The following FAM135B variants were observed in gnomAD, a reference collection of about 807,000 sequenced individuals.
The protein encoded by FAM135B is family with sequence similarity 135 member B, also known as protein FAM135B.
FAM135B carries 43 observed loss-of-function variants against 127.7 expected under a neutral mutation model. The ratio of observed to expected loss-of-function variants is 0.34; its 90% CI spans 0.26 to 0.43. FAM135B has a LOEUF of 0.43. Ranked by LOEUF, FAM135B falls within the 20% of genes least tolerant of loss-of-function variation. The probability of loss-of-function intolerance (pLI) is 1.00; values close to 1 mark genes in which losing one functional copy is unlikely to be tolerated. For missense variants in FAM135B, 1,558 were observed against 1,725.6 expected (o/e 0.90, Z 1.72); for synonymous variants, 670 against 665.1 (o/e 1.01, Z -0.11).
chr8:138,425,364 A>G (rs1414413366), intron 1 of FAM135B: 1 of 152,200 alleles, frequency 6.6e-6, no homozygotes, highest in East Asian at 1.9e-4. Flanking sequence ...CTTTCAGGCC[A>G]CAAGCATTTG....
intron 13 of FAM135B, 123 bp from the exon 14 acceptor site, chr8:138,148,809 C>G: frequency 1.6e-6 from 1 of 628,262 alleles, no homozygotes; most frequent in Non-Finnish European, 2.7e-6. Flanking sequence ...AGTGGCAAAG[C>G]TGACTTGAGC....
At chr8:138,410,006 GTCA>G in intron 1 of FAM135B, among the ~76,000 whole-genome samples, 1 of 151,932 alleles carries the variant, frequency 6.6e-6, no homozygotes, top group South Asian at 2.1e-4. Context: ...ATTCTAAACT[GTCA>G]TTGCATTGCC....
intron 1 of FAM135B, among the ~76,000 whole-genome samples, chr8:138,381,792 T>C (rs950191688): frequency 6.6e-6 from 1 of 152,214 alleles, no homozygotes; most frequent in African/African-American, 2.4e-5. Flanking sequence ...TTTTGTCCTC[T>C]GCATATGTCC....
At chr8:138,331,359 T>C (rs1381115517) in intron 2 of FAM135B, among the ~76,000 whole-genome samples, 6 of 152,234 alleles carry the variant, frequency 3.9e-5, no homozygotes. Context: ...GTTTCTTTTA[T>C]GATACAAGGC....
chr8:138,446,625 C>A (rs1836177810), intron 1 of FAM135B, among the ~76,000 whole-genome samples: 1 of 152,032 alleles, frequency 6.6e-6, no homozygotes, highest in African/African-American at 2.4e-5. Flanking sequence ...AAACTGGATC[C>A]CTTCCTTACA....
At chr8:138,209,773 T>C (rs931361639) in intron 7 of FAM135B, among the ~76,000 whole-genome samples, 6 of 152,162 alleles carry the variant, frequency 3.9e-5, no homozygotes. Flanking sequence ...GTATAAATTT[T>C]ACATAAGTGG....
chr8:138,333,549 C>A (rs1358853180), intron 2 of FAM135B, among the ~76,000 whole-genome samples: 1 of 152,154 alleles, frequency 6.6e-6, no homozygotes, highest in Non-Finnish European at 1.5e-5. Context: ...GGGCTCCCCA[C>A]TGTTTTCTAA....
At chr8:138,145,601 A>G (rs749720441) in intron 15 of FAM135B, among the ~76,000 whole-genome samples, 4 of 152,170 alleles carry the variant, frequency 2.6e-5, no homozygotes, top group Non-Finnish European at 4.4e-5. Flanking sequence ...TGTGTACTGC[A>G]TGGTGCACAA....
At chr8:138,456,303 T>C (rs62527848) in intron 1 of FAM135B, among the ~76,000 whole-genome samples, 15,532 of 152,264 alleles carry the variant, frequency 0.1, 1,242 homozygotes, top group African/African-American at 0.21. Flanking sequence ...TAAGAGCTAA[T>C]TGCAATTTAC....
intron 3 of FAM135B, among the ~76,000 whole-genome samples, chr8:138,278,668 T>C (rs1476282243): frequency 6.7e-6 from 1 of 149,486 alleles, no homozygotes; most frequent in East Asian, 2.0e-4. Context: ...GTTCAAGCGA[T>C]TTTCCTACCT....
intron 7 of FAM135B, among the ~76,000 whole-genome samples, chr8:138,211,222 T>C (rs1818117148): frequency 6.6e-6 from 1 of 152,230 alleles, no homozygotes; most frequent in Non-Finnish European, 1.5e-5. Flanking sequence ...AAAATAGGTC[T>C]GGTTTTTATT....
intron 2 of FAM135B, among the ~76,000 whole-genome samples, chr8:138,350,271 G>A (rs765508824): frequency 1.3e-5 from 2 of 152,064 alleles, no homozygotes; most frequent in East Asian, 1.9e-4. Flanking sequence ...ATACTATCCC[G>A]TTCTTTCACC....
At chr8:138,367,207 AT>A (rs2131211661) in intron 2 of FAM135B, 1 of 326,454 alleles carries the variant, frequency 3.1e-6, no homozygotes, top group East Asian at 8.7e-5. Flanking sequence ...ACTTAATTCA[AT>A]TTCTATTAAC....
At chr8:138,139,308 A>G (rs2130570197) in intron 17 of FAM135B, among the ~76,000 whole-genome samples, 1 of 152,304 alleles carries the variant, frequency 6.6e-6, no homozygotes, top group East Asian at 1.9e-4. Context: ...TGCAAAAATG[A>G]TGACAGGACA....
At chr8:138,352,844 C>T (rs1248527966) in intron 2 of FAM135B, among the ~76,000 whole-genome samples, 3 of 152,120 alleles carry the variant, frequency 2.0e-5, no homozygotes, top group African/African-American at 7.2e-5. Flanking sequence ...TAAACCTAAC[C>T]CCAACATCTC....
intron 12 of FAM135B, among the ~76,000 whole-genome samples, chr8:138,156,226 T>C (rs564308629): frequency 6.6e-6 from 1 of 152,274 alleles, no homozygotes; most frequent in South Asian, 2.1e-4. Context: ...AAGGCAGAAA[T>C]AAAGATGTTC....
intron 1 of FAM135B, among the ~76,000 whole-genome samples, chr8:138,465,788 T>TA (rs1397931654): frequency 1.3e-5 from 2 of 152,030 alleles, no homozygotes; most frequent in East Asian, 3.9e-4. Context: ...CCTGATTTTT[T>TA]TTTTTTTTAG....
chr8:138,341,330 A>ATTAT (rs1269052773), intron 2 of FAM135B, among the ~76,000 whole-genome samples: 1 of 152,222 alleles, frequency 6.6e-6, no homozygotes, highest in Non-Finnish European at 1.5e-5. Flanking sequence ...CAAATACTGT[A>ATTAT]TTATTCCTCT....
chr8:138,294,816 T>C (rs574105085), intron 3 of FAM135B, among the ~76,000 whole-genome samples: 1 of 152,368 alleles, frequency 6.6e-6, no homozygotes, highest in East Asian at 1.9e-4. Flanking sequence ...TTCATGTTCC[T>C]GAGTCAGAAT....
Sources: gnomAD v4.1 joint callset for allele counts (sites outside exome capture counted in the v4.1 genomes callset) on GRCh38, gnomAD v4.1.1 for gene constraint, MANE v1.5 for transcripts, NCBI Gene and HGNC (gene_info 2026-07-23, HGNC 2026-07-21) for gene names.